The following NEURL1 variants were observed in gnomAD, a reference collection of about 807,000 sequenced individuals.
NEURL1 encodes the protein neuralized E3 ubiquitin protein ligase 1.
In NEURL1, 26 loss-of-function variants were observed where a neutral mutation model predicts 41.2. That is an observed-to-expected ratio of 0.63 (90% confidence interval 0.46 to 0.87). The LOEUF (loss-of-function observed/expected upper bound fraction) is 0.87, where lower values mean the gene tolerates loss of function less well. Ranked by LOEUF, NEURL1 falls within the 40% of genes least tolerant of loss-of-function variation. The pLI is 0.00. For missense variants in NEURL1, 761 were observed against 871.1 expected (o/e 0.87, Z 1.59); for synonymous variants, 400 against 402.3 (o/e 0.99, Z 0.07).
chr10:103,565,069 C>T (rs1035503905), intron 1 of NEURL1, among the ~76,000 whole-genome samples: 3 of 152,136 alleles, frequency 2.0e-5, no homozygotes, highest in East Asian at 1.9e-4. Flanking sequence ...GGGCTGTAGC[C>T]GCAGGGTGGA....
chr10:103,565,161 G>T (rs2035392655), intron 1 of NEURL1, among the ~76,000 whole-genome samples: 2 of 152,138 alleles, frequency 1.3e-5, no homozygotes, highest in Non-Finnish European at 2.9e-5. Flanking sequence ...GGCTCCCCTG[G>T]AGCCAGGAAC....
intron 3 of NEURL1, among the ~76,000 whole-genome samples, chr10:103,572,133 A>G (rs188783911): frequency 2.6e-5 from 4 of 152,336 alleles, no homozygotes; most frequent in Non-Finnish European, 5.9e-5. Flanking sequence ...AAGTAATTAA[A>G]TTAATCATCA....
At chr10:103,574,013 G>A (rs943050411) in intron 3 of NEURL1, among the ~76,000 whole-genome samples, 5 of 152,300 alleles carry the variant, frequency 3.3e-5, no homozygotes, top group Admixed American at 6.5e-5. Flanking sequence ...TCACTCAGTC[G>A]GGCTGCTCTC....
At chr10:103,555,472 G>C in intron 1 of NEURL1, 2 of 1,303,610 alleles carry the variant, frequency 1.5e-6, no homozygotes, top group Non-Finnish European at 2.0e-6. Flanking sequence ...GCCTGGGGAG[G>C]CCGGGCGGAG....
chr10:103,575,153 T>C (rs1304647018), intron 3 of NEURL1, among the ~76,000 whole-genome samples: 2 of 151,858 alleles, frequency 1.3e-5, no homozygotes. Context: ...GCCTTCTCTT[T>C]CCTCTCCGCC....
chr10:103,507,941 C>T (rs1180718015), intron 1 of NEURL1, among the ~76,000 whole-genome samples: 3 of 152,160 alleles, frequency 2.0e-5, no homozygotes, highest in Admixed American at 6.5e-5. Flanking sequence ...ATAAATCAGC[C>T]GGGACAGGCC....
chr10:103,540,227 C>T (rs997901600), intron 1 of NEURL1, among the ~76,000 whole-genome samples: 15 of 152,168 alleles, frequency 9.9e-5, no homozygotes, highest in African/African-American at 3.1e-4. Context: ...TCATTGAGAT[C>T]ATAATGTGAG....
At chr10:103,521,018 A>T (rs542006526) in intron 1 of NEURL1, among the ~76,000 whole-genome samples, 48 of 152,330 alleles carry the variant, frequency 3.2e-4, no homozygotes, top group African/African-American at 1.2e-3. Flanking sequence ...GAGAGTGCCC[A>T]AGGGGTTCAG....
At chr10:103,555,456 G>A in intron 1 of NEURL1, 6 of 1,336,638 alleles carry the variant, frequency 4.5e-6, no homozygotes, top group Non-Finnish European at 6.0e-6. Context: ...ACCCCAGCCC[G>A]AGACCGCCTG....
chr10:103,557,547 C>T (rs531207703), intron 1 of NEURL1, among the ~76,000 whole-genome samples: 1 of 152,334 alleles, frequency 6.6e-6, no homozygotes, highest in South Asian at 2.1e-4. Context: ...CAGGCGGGGC[C>T]TCCCTTAAGC....
chr10:103,557,231 C>T (rs925213438), intron 1 of NEURL1, among the ~76,000 whole-genome samples: 1 of 151,948 alleles, frequency 6.6e-6, no homozygotes, highest in African/African-American at 2.4e-5. Context: ...AGTTCGAGAC[C>T]AGCCTGGATA....
In NEURL1 at chr10:103,562,970, CCTT is replaced by C. The variant is rs140804403; in HGVS notation, c.86-7899_86-7897del. On this transcript the variant is annotated intron_variant, in intron 1 of 5. Transcript: ENST00000369780. ...TCCCCCAAGTTCCATCCCCACCTGTCCTTCTCCCACCAGGAGTCAGGCATCCCC... is the reference window on the plus strand; with the variant it reads ...TCCCCCAAGTTCCATCCCCACCTGTCCTCCCACCAGGAGTCAGGCATCCCC... 6.0e-3 allele frequency among the ~76,000 whole-genome samples: 913 copies of C among 152,284 alleles called. 9 individuals are homozygous for C. The highest frequency in any genetic ancestry group is 0.021 in the African/African-American group (861 of 41,556).
Position 103,494,429 on chromosome 10 carries a change from A to G in NEURL1, c.42A>G (p.Gly14=), listed in dbSNP as rs773383881. Residue 14 remains glycine (G), a synonymous_variant, in exon 1 of 6, where the codon GGA becomes GGG. Transcript: ENST00000369780. ...CCAGTATCCCCTCGCTGCCCCGAGG[A>G]AACCCGAGCCGCGCGCCGCGGGGCC... The part of the protein sequence containing the change: ...NFSSIPSLPR[G]NPSRAPRGHP... 1.5e-5 allele frequency: 24 copies of G among 1,599,056 alleles called. No individual in the cohort carries two copies. Among genetic ancestry groups the G allele is most frequent in the Non-Finnish European group, 2.0e-5 (24 of 1,173,464 alleles).
Position 103,590,720 on chromosome 10 carries a change from T to G in NEURL1, c.*348T>G. The G allele has an allele frequency of 3.1e-6, 1 of 321,978 alleles. No homozygotes were observed. Among genetic ancestry groups the G allele is most frequent in the Non-Finnish European group, 5.8e-6 (1 of 171,010 alleles). 19.9% of individuals were successfully genotyped at this position (321,978 alleles called of 1,614,324 possible). On this transcript the variant is annotated 3_prime_UTR_variant, in exon 6 of 6. Transcript: ENST00000369780. ...GCAGGTTTCTAGGAGGTGTCTGTAG[T>G]CCATGTGGCACCTTTGTGAGAATTA...
chr10:103,564,986 C>T (rs1477250741), intron 1 of NEURL1, among the ~76,000 whole-genome samples: 1 of 152,292 alleles, frequency 6.6e-6, no homozygotes, highest in Admixed American at 6.5e-5. Flanking sequence ...AGAACAGCGC[C>T]CCCTAGAGGA....
At chr10:103,538,607 C>T (rs1226644630) in intron 1 of NEURL1, among the ~76,000 whole-genome samples, 1 of 151,608 alleles carries the variant, frequency 6.6e-6, no homozygotes, top group African/African-American at 2.4e-5. Context: ...CCACCTGCTA[C>T]CCACTGATGA....
At chr10:103,516,967 T>C (rs1179908464) in intron 1 of NEURL1, among the ~76,000 whole-genome samples, 1 of 142,572 alleles carries the variant, frequency 7.0e-6, no homozygotes, top group Middle Eastern at 3.3e-3. Flanking sequence ...TTCCTTTTCC[T>C]CCCTCCCTCC....
intron 1 of NEURL1, among the ~76,000 whole-genome samples, chr10:103,502,922 C>T (rs1352003059): frequency 6.6e-6 from 1 of 152,184 alleles, no homozygotes; most frequent in African/African-American, 2.4e-5. Flanking sequence ...CTTTGGCAAC[C>T]CTGGGCAGGA....
chr10:103,502,433 C>T (rs899248600), intron 1 of NEURL1, among the ~76,000 whole-genome samples: 2 of 152,130 alleles, frequency 1.3e-5, no homozygotes, highest in African/African-American at 4.8e-5. Flanking sequence ...TTGCTGTGGC[C>T]TCACATGGCC....
Sources: allele counts gnomAD v4.1 joint callset (sites outside exome capture counted in the v4.1 genomes callset), GRCh38; gene constraint gnomAD v4.1.1; transcripts MANE v1.5; gene names NCBI Gene and HGNC (gene_info 2026-07-23, HGNC 2026-07-21).